KLHL21: variants seen among roughly 807,000 people sequenced by gnomAD.
KLHL21 encodes the protein kelch-like protein 21.
Under a neutral mutation model 44.1 loss-of-function variants are expected in KLHL21, and 42 were observed. The ratio of observed to expected loss-of-function variants is 0.95; its 90% confidence interval spans 0.74 to 1.23. KLHL21 has a LOEUF of 1.23. KLHL21 is among the 50% of genes most tolerant of loss of function. KLHL21 has a pLI of 0.00. For synonymous variants in KLHL21, 524 were observed against 411.6 expected, an observed-to-expected ratio of 1.27 and a Z score of -3.31; for missense variants, 918 against 889.1, an observed-to-expected ratio of 1.03 and a Z score of -0.41.
intron 3 of KLHL21, 166 bp from the exon 4 acceptor site, chr1:6,593,824 TAGG>T (rs1640888223): frequency 7.3e-7 from 1 of 1,367,912 alleles, no homozygotes; most frequent in Non-Finnish European, 9.4e-7. Flanking sequence ...ACACCCTGCC[TAGG>T]AGAACGGGCC....
Position 6,593,201 on chromosome 1 carries a change from A to T in KLHL21, c.*164T>A. 1.5e-6 allele frequency: 1 copy of T among 678,990 alleles called. No individual in the cohort carries two copies. The highest frequency in any genetic ancestry group is 2.4e-6 in the Non-Finnish European group (1 of 424,908). The allele number at this position is 678,990 out of a possible 1,614,324, so 42.1% of individuals were successfully genotyped here. On this transcript the variant is annotated 3_prime_UTR_variant, in exon 4 of 4. Coordinates refer to ENST00000377658, the MANE Select transcript of KLHL21 (RefSeq NM_014851.4). ...CGACGGCCTCTGATTCAGGCTCTCAAGGTACAGAAACCTTCCAGGTAATGG... is the reference window on the plus strand; with the variant it reads ...CGACGGCCTCTGATTCAGGCTCTCATGGTACAGAAACCTTCCAGGTAATGG...
At position 6,602,248 on chromosome 1, in the gene KLHL21, C is replaced by G; in HGVS notation, c.570G>C (p.Leu190=). The G allele has an allele frequency of 6.5e-7, 1 of 1,544,178 alleles. No homozygotes were observed. The highest frequency in any genetic ancestry group is 8.7e-7 in the Non-Finnish European group (1 of 1,151,912). The change falls in exon 1 of 4, where the codon CTG becomes CTC. Residue 190 remains leucine, a synonymous_variant. Coordinates refer to ENST00000377658, the MANE Select transcript of KLHL21 (RefSeq NM_014851.4). Reference sequence around the variant, plus strand: ...AGGCGGCCTCCTCCTTGGGCACACACAGCCCGTCGTCCCGCAGGTAGCGCA... The same window carrying G: ...AGGCGGCCTCCTCCTTGGGCACACAGAGCCCGTCGTCCCGCAGGTAGCGCA... ...RLLRYLRDDG[L]CVPKEEAAYQ... is the part of the protein sequence containing the mutation.
At position 6,593,664 on chromosome 1, in the gene KLHL21, G is replaced by A. The variant is rs1570192181; in HGVS notation, c.1501-6C>T. On this transcript the variant is annotated splice_polypyrimidine_tract_variant and splice_region_variant and intron_variant, in intron 3 of 3. Coordinates refer to ENST00000377658, the MANE Select transcript of KLHL21 (RefSeq NM_014851.4). Reference sequence around the variant, plus strand: ...AGGCTGCCCCCCACATGTACCTGTGGGCCAAAGGGATGAGTGAGTGGAGGT... The same window carrying A: ...AGGCTGCCCCCCACATGTACCTGTGAGCCAAAGGGATGAGTGAGTGGAGGT... 1 of 1,564,058 alleles carries A rather than the reference G, an allele frequency of 6.4e-7. No individual in the cohort carries two copies.
At position 6,602,565 on chromosome 1, in the gene KLHL21, C is replaced by T; in HGVS notation, c.253G>A (p.Asp85Asn). 6.5e-7 allele frequency: 1 copy of T among 1,535,658 alleles called. No individual in the cohort carries two copies. Among genetic ancestry groups the T allele is most frequent in the Non-Finnish European group, 8.7e-7 (1 of 1,146,106 alleles). ...AAGTCCAGCAGCAGCTGCAGCATGT[C>T]GGGAGGCACTCCGTGCAGGCGCACC... ...ERVRLHGVPP[D>N]MLQLLLDFSY... is the part of the protein sequence containing the mutation. The change falls in exon 1 of 4, where the codon GAC becomes AAC. Residue 85 changes from aspartate to asparagine, a missense_variant. Physicochemically the swap from Asp to Asn is conservative, Grantham distance 23. Coordinates refer to ENST00000377658, the MANE Select transcript of KLHL21 (RefSeq NM_014851.4).
chr1:6,592,224 C>T lies in KLHL21; in HGVS notation c.*1141G>A, dbSNP rs1322656517. On this transcript the variant is annotated 3_prime_UTR_variant, in exon 4 of 4. Coordinates refer to ENST00000377658, the MANE Select transcript of KLHL21 (RefSeq NM_014851.4). ...CTACGAGTTAGTTCACTAGAAAAGG[C>T]AATAAACATTTGCTTTAACCTTCTT... The T allele has an allele frequency of 6.6e-6, 1 of 152,224 alleles. No homozygotes were observed. Among genetic ancestry groups the T allele is most frequent in the Non-Finnish European group, 1.5e-5 (1 of 68,040 alleles). The allele number at this position is 152,224 out of a possible 1,614,324, so 9.4% of individuals were successfully genotyped here.
intron 1 of KLHL21, chr1:6,599,934 A>G (rs1640991027): frequency 6.3e-6 from 1 of 157,968 alleles, no homozygotes; most frequent in Non-Finnish European, 1.4e-5. Flanking sequence ...ACCTAACGCT[A>G]CACTGCGAGG....
At position 6,599,360 on chromosome 1, in the gene KLHL21, G is replaced by C. The variant is rs775339390; in HGVS notation, c.1114C>G (p.Arg372Gly). Residue 372 changes from arginine (R) to glycine (G), a missense_variant, in exon 2 of 4, where the codon CGC becomes GGC. By Grantham distance (125) the Arg-to-Gly change is moderately radical. Coordinates refer to ENST00000377658, the MANE Select transcript of KLHL21 (RefSeq NM_014851.4). Reference protein sequence around the residue: ...WAEVAPMLKAREYHSSSVLDG... With the variant: ...WAEVAPMLKAGEYHSSSVLDG... The stretch of plus-strand genomic sequence containing the variant: ...AGCACAGAGGAGCTGTGGTACTCGC[G>C]GGCCTTCAGCATGGGCGCCACCTCC... The C allele has an allele frequency of 8.7e-6, 14 of 1,613,664 alleles. No homozygotes were observed. The highest frequency in any genetic ancestry group is 1.1e-5 in the Non-Finnish European group (13 of 1,180,016).
At position 6,602,845 on chromosome 1, in the gene KLHL21, C is replaced by G; in HGVS notation, c.-28G>C. On this transcript the variant is annotated 5_prime_UTR_variant, in exon 1 of 4. Coordinates refer to ENST00000377658, the MANE Select transcript of KLHL21 (RefSeq NM_014851.4). ...CGCCTTCGATAGGTTGTCGAGGACGCCGCGGCCGGGGCCTGCGGAGAGACG... is the reference window on the plus strand; with the variant it reads ...CGCCTTCGATAGGTTGTCGAGGACGGCGCGGCCGGGGCCTGCGGAGAGACG... 1 of 1,400,868 alleles carries G rather than the reference C, an allele frequency of 7.1e-7. No homozygotes were observed. The highest frequency in any genetic ancestry group is 9.2e-7 in the Non-Finnish European group (1 of 1,087,270). 86.8% of individuals were successfully genotyped at this position (1,400,868 alleles called of 1,614,324 possible). A position where few individuals can be genotyped will look rare whatever the true frequency, so the allele number is the denominator to read the frequency against.
chr1:6,593,904 T>C, intron 3 of KLHL21: 2 of 1,294,712 alleles, frequency 1.5e-6, no homozygotes, highest in South Asian at 2.7e-5. Context: ...GGCCTCCCCG[T>C]GTGCAGGTCG....
chr1:6,599,467 G>C lies in KLHL21; in HGVS notation c.1022-15C>G, dbSNP rs1557435359. The C allele has an allele frequency of 9.4e-6, 15 of 1,588,066 alleles. No individual in the cohort carries two copies. The highest frequency in any genetic ancestry group is 1.3e-5 in the Non-Finnish European group (15 of 1,165,376). On this transcript the variant is annotated splice_polypyrimidine_tract_variant and intron_variant, in intron 1 of 3. Coordinates refer to ENST00000377658, the MANE Select transcript of KLHL21 (RefSeq NM_014851.4). ...ATCGGACCCACCTGCCAGGACGCAT[G>C]ACAGGCAGAAGATCAGCCCACTCAG...
In KLHL21 at chr1:6,601,905, C is replaced by T. The variant is rs746043172; in HGVS notation, c.913G>A (p.Asp305Asn). 1.3e-6 allele frequency: 2 copies of T among 1,565,478 alleles called. No individual in the cohort carries two copies. Among genetic ancestry groups the T allele is most frequent in the Non-Finnish European group, 1.7e-6 (2 of 1,155,854 alleles). The change falls in exon 1 of 4, where the codon GAC becomes AAC. Residue 305 changes from aspartate (D) to asparagine (N), a missense_variant. Asp to Asn is a conservative substitution (Grantham distance 23). Coordinates refer to ENST00000377658, the MANE Select transcript of KLHL21 (RefSeq NM_014851.4). Reference protein sequence around the residue: ...DQDCDELVTVDCYNPQTGQWR... With the variant: ...DQDCDELVTVNCYNPQTGQWR... ...TGACCCGTCTGCGGGTTGTAGCAGTCGACAGTGACCAGCTCGTCACAGTCC... is the reference window on the plus strand; with the variant it reads ...TGACCCGTCTGCGGGTTGTAGCAGTTGACAGTGACCAGCTCGTCACAGTCC...
intron 2 of KLHL21, among the ~76,000 whole-genome samples, chr1:6,595,869 C>T (rs11799755): frequency 0.035 from 5,317 of 152,134 alleles, 285 homozygotes; most frequent in African/African-American, 0.11. Flanking sequence ...CTGTCCCCCA[C>T]CCCCCAAGCC....
rs1267086403 is a variant in KLHL21, at chr1:6,602,320, G to A, written c.498C>T (p.Gly166=). ...AAQRFILRHV[G]ELGAEQLERL... is the part of the protein sequence containing the mutation. Reference sequence around the variant, plus strand: ...GCTCCAGCTGCTCGGCGCCCAGCTCGCCCACGTGGCGCAGAATGAACCGCT... The same window carrying A: ...GCTCCAGCTGCTCGGCGCCCAGCTCACCCACGTGGCGCAGAATGAACCGCT... The change falls in exon 1 of 4, where the codon GGC becomes GGT. Residue 166 remains glycine, a synonymous_variant. Coordinates refer to ENST00000377658, the MANE Select transcript of KLHL21 (RefSeq NM_014851.4). The A allele has an allele frequency of 3.9e-6, 6 of 1,554,052 alleles. No individual in the cohort carries two copies. In the African/African-American group the frequency reaches 5.5e-5, roughly 14 times the overall value.
In KLHL21 at chr1:6,593,613, C is replaced by T. The variant is rs369981047; in HGVS notation, c.1546G>A (p.Val516Ile). 13 of 1,604,360 alleles carry T rather than the reference C, an allele frequency of 8.1e-6. No individual in the cohort carries two copies. Among genetic ancestry groups the T allele is most frequent in the African/African-American group, 6.7e-5 (5 of 74,710 alleles). Residue 516 changes from valine to isoleucine, a missense_variant, in exon 4 of 4, where the codon GTC becomes ATC. Val to Ile is a conservative substitution (Grantham distance 29). Transcript: ENST00000377658. ...SLAVLGGKLY[V>I]SGGYDNTFEL... ...AATGTATTGTCGTATCCCCCAGAGA[C>T]GTACAGCTTCCCCCCAAGGACGGCC...
Position 6,602,463 on chromosome 1 carries a change from G to A in KLHL21, c.355C>T (p.Pro119Ser), listed in dbSNP as rs1177010519. The A allele has an allele frequency of 1.3e-6, 2 of 1,575,996 alleles. No homozygotes were observed. The highest frequency in any genetic ancestry group is 2.3e-5 in the East Asian group (1 of 42,876). The stretch of plus-strand genomic sequence containing the variant: ...GCCCCGCACGCCTCCTTCACGGCCG[G>A]GAACTGCAGCAGGTCGGCGGCGCGC... ...LLRAADLLQF[P>S]AVKEACGAFL... Residue 119 changes from proline (P) to serine (S), a missense_variant, in exon 1 of 4, where the codon CCG (proline) becomes TCG (serine). By Grantham distance (74) the Pro-to-Ser change is moderately conservative. Transcript: ENST00000377658.
rs1306335106 is a variant in KLHL21, at chr1:6,602,837, C to G, written c.-20G>C. The G allele has an allele frequency of 5.7e-6, 8 of 1,403,938 alleles. No individual in the cohort carries two copies. The highest frequency in any genetic ancestry group is 1.5e-5 in the African/African-American group (1 of 65,380). 87.0% of individuals were successfully genotyped at this position (1,403,938 alleles called of 1,614,324 possible). On this transcript the variant is annotated 5_prime_UTR_variant, in exon 1 of 4. Transcript: ENST00000377658. ...CTCCATGGCGCCTTCGATAGGTTGTCGAGGACGCCGCGGCCGGGGCCTGCG... is the reference window on the plus strand; with the variant it reads ...CTCCATGGCGCCTTCGATAGGTTGTGGAGGACGCCGCGGCCGGGGCCTGCG...
At chr1:6,599,622 G>GC in intron 1 of KLHL21, 170 bp from the exon 2 acceptor site, 1 of 682,872 alleles carries the variant, frequency 1.5e-6, no homozygotes, top group Admixed American at 3.0e-5. Flanking sequence ...TGTGGCTAAG[G>GC]CAAAGCACAC....
chr1:6,600,171 G>A (rs1478669388), intron 1 of KLHL21, among the ~76,000 whole-genome samples: 1 of 152,024 alleles, frequency 6.6e-6, no homozygotes, highest in Non-Finnish European at 1.5e-5. Flanking sequence ...TCAGCCTCCT[G>A]AGTGGCTGGG....
rs2148703129 is a variant in KLHL21, at chr1:6,599,321, A to C, written c.1153T>G (p.Tyr385Asp). The C allele has an allele frequency of 6.2e-7, 1 of 1,613,970 alleles. No individual in the cohort carries two copies. The highest frequency in any genetic ancestry group is 1.1e-5 in the South Asian group (1 of 91,084). The stretch of plus-strand genomic sequence containing the variant: ...TCGGTGCTGTCGGCGGCCACCACGT[A>C]CAGCAGTCCGTCCAGCACAGAGGAG... ...HSSSVLDGLLYVVAADSTERY... is the reference protein window; with the variant it reads ...HSSSVLDGLLDVVAADSTERY... Residue 385 changes from tyrosine (Y) to aspartate (D), a missense_variant, in exon 2 of 4, where the codon TAC becomes GAC. Tyr to Asp is a radical substitution (Grantham distance 160). Transcript: ENST00000377658.
Sources: allele counts gnomAD v4.1 joint callset (sites outside exome capture counted in the v4.1 genomes callset), GRCh38; gene constraint gnomAD v4.1.1; transcripts MANE v1.5; gene names NCBI Gene and HGNC (gene_info 2026-07-23, HGNC 2026-07-21).